Variants in TACC2 observed in about 807,000 individuals in gnomAD.
The protein encoded by TACC2 is transforming acidic coiled-coil-containing protein 2.
Under a neutral mutation model 227.3 loss-of-function variants are expected in TACC2, and 137 were observed. The ratio of observed to expected loss-of-function variants is 0.60; its 90% CI spans 0.52 to 0.69. The LOEUF (loss-of-function observed/expected upper bound fraction) is 0.69, where lower values mean the gene tolerates loss of function less well. Ranked by LOEUF, TACC2 falls within the 30% of genes least tolerant of loss-of-function variation. The pLI is 0.00. For synonymous variants in TACC2, 1,523 were observed against 1,487.5 expected, an observed-to-expected ratio of 1.02 and a Z score of -0.55; for missense variants, 3,470 against 3,694.4, an observed-to-expected ratio of 0.94 and a Z score of 1.57.
chr10:122,204,202 AG>A (rs2095023928), intron 8 of TACC2, among the ~76,000 whole-genome samples: 1 of 91,060 alleles, frequency 1.1e-5, no homozygotes, highest in South Asian at 4.0e-4. Context: ...GGGGAGGGGG[AG>A]GGGTAGATTT....
chr10:122,063,389 C>G (rs1356899700), intron 3 of TACC2, among the ~76,000 whole-genome samples: 2 of 152,156 alleles, frequency 1.3e-5, no homozygotes, highest in Admixed American at 6.5e-5. Context: ...CATTATTTAT[C>G]TTTGGCAGGA....
chr10:122,110,953 C>T (rs986196361), intron 5 of TACC2, among the ~76,000 whole-genome samples: 3 of 152,158 alleles, frequency 2.0e-5, no homozygotes, highest in African/African-American at 4.8e-5. Context: ...CGTGCTTTTT[C>T]CAGCTTCTAG....
chr10:122,235,846 G>T (rs760724818), intron 16 of TACC2, among the ~76,000 whole-genome samples: 3 of 152,092 alleles, frequency 2.0e-5, no homozygotes, highest in Non-Finnish European at 2.9e-5. Flanking sequence ...TCACATGAGC[G>T]AGTCTCTGGG....
chr10:122,070,458 A>G (rs1333236300), intron 3 of TACC2, among the ~76,000 whole-genome samples: 1 of 152,040 alleles, frequency 6.6e-6, no homozygotes, highest in Non-Finnish European at 1.5e-5. Flanking sequence ...AGCATAAGAA[A>G]ATTAGCCAGG....
At chr10:122,191,603 C>T (rs932336173) in intron 7 of TACC2, among the ~76,000 whole-genome samples, 13 of 152,156 alleles carry the variant, frequency 8.5e-5, no homozygotes, top group Non-Finnish European at 1.6e-4. Context: ...TCCTGGGCCG[C>T]ATGCAGCCCA....
At chr10:122,109,536 A>C (rs2083342379) in intron 5 of TACC2, among the ~76,000 whole-genome samples, 1 of 152,176 alleles carries the variant, frequency 6.6e-6, no homozygotes, top group South Asian at 2.1e-4. Context: ...CATGTCATAG[A>C]TGTCCCTTCA....
chr10:122,079,051 A>C (rs911080544), intron 3 of TACC2: 7 of 152,254 alleles, frequency 4.6e-5, no homozygotes, highest in African/African-American at 1.7e-4. Flanking sequence ...AGAGGCGTGG[A>C]CAAGAAAGTG....
intron 2 of TACC2, among the ~76,000 whole-genome samples, chr10:122,032,725 C>T (rs984822407): frequency 1.3e-4 from 20 of 152,018 alleles, no homozygotes; most frequent in Non-Finnish European, 2.4e-4. Context: ...TTTGGGAGAC[C>T]GAGGTGGGTG....
At chr10:122,137,264 C>G (rs1350254598) in intron 6 of TACC2, among the ~76,000 whole-genome samples, 1 of 151,458 alleles carries the variant, frequency 6.6e-6, no homozygotes, top group Non-Finnish European at 1.5e-5. Flanking sequence ...CTTGTACTCT[C>G]ATCTGTTCAG....
intron 5 of TACC2, among the ~76,000 whole-genome samples, chr10:122,100,723 A>G (rs1489049239): frequency 6.6e-6 from 1 of 152,060 alleles, no homozygotes; most frequent in Non-Finnish European, 1.5e-5. Flanking sequence ...ATAGCGCCCG[A>G]CTGTTGTCTT....
chr10:122,090,554 A>G (rs1258419396), intron 5 of TACC2, among the ~76,000 whole-genome samples: 3 of 141,770 alleles, frequency 2.1e-5, no homozygotes, highest in Non-Finnish European at 4.8e-5. Flanking sequence ...CTCAAAAAAA[A>G]AAAAAAAAGA....
At chr10:122,115,319 T>A (rs61871541) in intron 5 of TACC2, among the ~76,000 whole-genome samples, 150 of 11,676 alleles carry the variant, frequency 0.013, no homozygotes, top group Non-Finnish European at 0.067. Flanking sequence ...TGTGTGTGTG[T>A]GAGATACCTG....
Position 122,084,018 on chromosome 10 carries a change from C to T in TACC2, c.1518C>T (p.Ser506=). The T allele has an allele frequency of 1.2e-6, 2 of 1,613,970 alleles. No individual in the cohort carries two copies. The highest frequency in any genetic ancestry group is 8.5e-7 in the Non-Finnish European group (1 of 1,179,982). ...GAGAGCACTTGAACACGGAGCAAAG[C>T]CATGAGGTCCAACCAGGAGTACCAC... ...ERGEHLNTEQ[S]HEVQPGVPPP... The change falls in exon 4 of 23, where the codon AGC becomes AGT. Residue 506 remains serine (S), a synonymous_variant. Coordinates refer to ENST00000369005, the MANE Select transcript of TACC2 (RefSeq NM_206862.4).
intron 2 of TACC2, among the ~76,000 whole-genome samples, chr10:122,048,406 T>TCCCA (rs2075286636): frequency 7.9e-6 from 1 of 126,634 alleles, no homozygotes. Flanking sequence ...CCTTCCTTCC[T>TCCCA]CCCTCCCTCC....
rs1220348519 is a variant in TACC2, at chr10:122,195,124, C to T, written c.5919C>T (p.Pro1973=). Residue 1973 remains proline, a synonymous_variant, in exon 8 of 23, where the codon CCC becomes CCT. Transcript: ENST00000369005. ...KAPPAPPPPP[P]EVIPEPEVST... Reference sequence around the variant, plus strand: ...CGCCAGCTCCACCCCCACCACCCCCCGAAGTCATCCCAGAACCCGAGGTCA... The same window carrying T: ...CGCCAGCTCCACCCCCACCACCCCCTGAAGTCATCCCAGAACCCGAGGTCA... 9.3e-6 allele frequency: 15 copies of T among 1,613,208 alleles called. No homozygotes were observed. Among genetic ancestry groups the T allele is most frequent in the Middle Eastern group, 1.6e-4 (1 of 6,076 alleles).
chr10:122,236,786 T>C (rs2095864821), intron 16 of TACC2, among the ~76,000 whole-genome samples: 3 of 152,210 alleles, frequency 2.0e-5, no homozygotes, highest in Non-Finnish European at 2.9e-5. Context: ...ACAGAACTCT[T>C]ACATAACTCT....
chr10:122,234,515 T>A (rs1202218024), intron 16 of TACC2, among the ~76,000 whole-genome samples: 1 of 152,194 alleles, frequency 6.6e-6, no homozygotes. Flanking sequence ...AGCTATCAAT[T>A]TCTGTTAAAA....
intron 5 of TACC2, among the ~76,000 whole-genome samples, chr10:122,102,797 T>G (rs2082322446): frequency 1.3e-5 from 2 of 152,128 alleles, no homozygotes; most frequent in Admixed American, 6.6e-5. Context: ...TCAGGGAAAA[T>G]GCCGAGGCCA....
intron 1 of TACC2, among the ~76,000 whole-genome samples, chr10:122,006,451 A>AAAAAAAATAAATAAATAAAT (rs375794557): frequency 1.3e-5 from 2 of 149,242 alleles, no homozygotes; most frequent in African/African-American, 4.9e-5. Context: ...TCAGTCTCAA[A>AAAAAAAATAAATAAATAAAT]AAATAAATAA....
Sources: allele counts gnomAD v4.1 joint callset (sites outside exome capture counted in the v4.1 genomes callset), GRCh38; gene constraint gnomAD v4.1.1; transcripts MANE v1.5; gene names NCBI Gene and HGNC (gene_info 2026-07-23, HGNC 2026-07-21).